The following UNC5D variants were observed in gnomAD, a reference collection of about 807,000 sequenced individuals.
UNC5D encodes the protein unc-5 netrin receptor D.
In UNC5D, 39 loss-of-function variants were observed where a neutral mutation model predicts 105.4. The ratio of observed to expected loss-of-function variants is 0.37; its 90% CI spans 0.29 to 0.48. The LOEUF (loss-of-function observed/expected upper bound fraction) is 0.48, where lower values mean the gene tolerates loss of function less well. Among genes scored for constraint, UNC5D ranks in the 20% least tolerant of loss-of-function variants. UNC5D has a pLI of 0.98. For missense variants in UNC5D, 991 were observed against 1,202.4 expected (o/e 0.82, Z 2.60); for synonymous variants, 452 against 450.4 (o/e 1.00, Z -0.04).
At chr8:35,726,109 T>C (rs778872436) in intron 9 of UNC5D, 43 bp from the exon 10 acceptor site, 5 of 1,571,686 alleles carry the variant, frequency 3.2e-6, no homozygotes, top group Admixed American at 1.8e-5. Flanking sequence ...GTAACTGAGA[T>C]GCCTTTTAGT....
chr8:35,772,713 A>G (rs751667104), intron 15 of UNC5D, among the ~76,000 whole-genome samples: 5 of 152,014 alleles, frequency 3.3e-5, no homozygotes, highest in Non-Finnish European at 5.9e-5. Context: ...CCACTAATTT[A>G]GAAGCATAAA....
intron 8 of UNC5D, among the ~76,000 whole-genome samples, chr8:35,712,720 A>G (rs1446993986): frequency 6.6e-6 from 1 of 152,128 alleles, no homozygotes; most frequent in Non-Finnish European, 1.5e-5. Flanking sequence ...TGTACTGGCA[A>G]TTTAGCATGC....
chr8:35,565,315 T>C (rs1346195237), intron 2 of UNC5D, among the ~76,000 whole-genome samples: 2 of 152,230 alleles, frequency 1.3e-5, no homozygotes, highest in Admixed American at 6.5e-5. Flanking sequence ...ATGGTGGTTT[T>C]AATTTGCATT....
At chr8:35,566,848 T>TGTGCTGGATGAAGAGGAC (rs1252674264) in intron 2 of UNC5D, among the ~76,000 whole-genome samples, 2 of 152,192 alleles carry the variant, frequency 1.3e-5, no homozygotes, top group African/African-American at 4.8e-5. Flanking sequence ...TCAGAGAATG[T>TGTGCTGGATGAAGAGGAC]GTGCTGGATG....
intron 12 of UNC5D, 70 bp from the exon 13 acceptor site, chr8:35,750,512 G>A (rs2131640680): frequency 6.8e-7 from 1 of 1,470,240 alleles, no homozygotes; most frequent in Non-Finnish European, 9.5e-7. Flanking sequence ...ATTTATTTGT[G>A]TCCTGGCAAT....
chr8:35,477,636 G>GA (rs902907594), intron 1 of UNC5D, among the ~76,000 whole-genome samples: 5 of 151,002 alleles, frequency 3.3e-5, no homozygotes, highest in Middle Eastern at 3.4e-3. Context: ...ACATGGAAAG[G>GA]AAAAAAAAAT....
intron 1 of UNC5D, among the ~76,000 whole-genome samples, chr8:35,505,405 G>T (rs954138826): frequency 1.3e-4 from 20 of 152,140 alleles, no homozygotes; most frequent in African/African-American, 4.8e-4. Flanking sequence ...AACTAAATCA[G>T]TTCTTGAAAA....
chr8:35,659,134 C>G (rs1212377737), intron 4 of UNC5D, among the ~76,000 whole-genome samples: 1 of 151,948 alleles, frequency 6.6e-6, no homozygotes, highest in African/African-American at 2.4e-5. Flanking sequence ...GTTTTTTTCC[C>G]CCTTCTTGAG....
At chr8:35,719,771 T>A (rs1421586034) in intron 8 of UNC5D, among the ~76,000 whole-genome samples, 3 of 152,204 alleles carry the variant, frequency 2.0e-5, no homozygotes, top group Non-Finnish European at 2.9e-5. Context: ...CTTATCTCTC[T>A]ATAGGCATCC....
chr8:35,320,410 G>GC (rs1040280701), intron 1 of UNC5D, among the ~76,000 whole-genome samples: 1 of 152,022 alleles, frequency 6.6e-6, no homozygotes, highest in Non-Finnish European at 1.5e-5. Context: ...AGGCTTCCAA[G>GC]CTCTTATCAG....
chr8:35,250,025 A>C (rs901320306), intron 1 of UNC5D, among the ~76,000 whole-genome samples: 4 of 151,876 alleles, frequency 2.6e-5, no homozygotes, highest in Admixed American at 6.6e-5. Flanking sequence ...GTGGGCATTT[A>C]CTTTTTTTTG....
chr8:35,442,447 A>G (rs1284964134), intron 1 of UNC5D, among the ~76,000 whole-genome samples: 1 of 151,898 alleles, frequency 6.6e-6, no homozygotes, highest in African/African-American at 2.4e-5. Context: ...GTAAGAGTCT[A>G]TACTAGATCT....
intron 1 of UNC5D, among the ~76,000 whole-genome samples, chr8:35,439,396 A>G (rs1156731450): frequency 6.6e-6 from 1 of 152,072 alleles, no homozygotes; most frequent in Non-Finnish European, 1.5e-5. Context: ...CTTGTTGGCC[A>G]GTTGGGGGCA....
At chr8:35,267,391 T>A (rs1381498169) in intron 1 of UNC5D, among the ~76,000 whole-genome samples, 1 of 152,172 alleles carries the variant, frequency 6.6e-6, no homozygotes, top group Non-Finnish European at 1.5e-5. Context: ...TAGTCTAGAA[T>A]CTTGACAATA....
intron 3 of UNC5D, among the ~76,000 whole-genome samples, chr8:35,593,525 G>A (rs1333752717): frequency 6.6e-6 from 1 of 152,204 alleles, no homozygotes; most frequent in Admixed American, 6.5e-5. Context: ...GGCCAAGGCA[G>A]GAGGATCGGA....
intron 3 of UNC5D, among the ~76,000 whole-genome samples, chr8:35,575,082 C>CT (rs1817998549): frequency 6.6e-6 from 1 of 152,150 alleles, no homozygotes; most frequent in African/African-American, 2.4e-5. Flanking sequence ...TTCATAAATT[C>CT]TAAGTGTCTA....
chr8:35,727,996 G>A (rs1459727693), intron 10 of UNC5D: 1 of 148,538 alleles, frequency 6.7e-6, no homozygotes, highest in African/African-American at 2.5e-5. Flanking sequence ...CAGCTACTCA[G>A]GAGGCTGAGG....
At chr8:35,414,194 C>T (rs1269231943) in intron 1 of UNC5D, among the ~76,000 whole-genome samples, 1 of 151,824 alleles carries the variant, frequency 6.6e-6, no homozygotes, top group Non-Finnish European at 1.5e-5. Context: ...TAAAATAGAC[C>T]CAAGAGCATA....
intron 1 of UNC5D, among the ~76,000 whole-genome samples, chr8:35,527,950 T>A (rs183206151): frequency 6.6e-6 from 1 of 152,014 alleles, no homozygotes; most frequent in Admixed American, 6.5e-5. Flanking sequence ...AATTTCAACA[T>A]TTTAATTTGG....
Sources: allele counts gnomAD v4.1 joint callset (sites outside exome capture counted in the v4.1 genomes callset), GRCh38; gene constraint gnomAD v4.1.1; transcripts MANE v1.5; gene names NCBI Gene and HGNC (gene_info 2026-07-23, HGNC 2026-07-21).